Variants in SLCO6A1 observed in about 807,000 individuals in gnomAD.
SLCO6A1 encodes the protein solute carrier organic anion transporter family member 6A1.
SLCO6A1 carries 65 observed loss-of-function variants against 72.7 expected under a neutral mutation model. That is an observed-to-expected ratio of 0.89 (90% CI 0.73 to 1.10). The LOEUF is 1.10. SLCO6A1 is among the 50% of genes least tolerant of loss of function. SLCO6A1 has a pLI of 0.00. For missense variants in SLCO6A1, 874 were observed against 872.6 expected, an observed-to-expected ratio of 1.00 and a Z score of -0.02; for synonymous variants, 314 against 298.2, an observed-to-expected ratio of 1.05 and a Z score of -0.55.
chr5:102,486,725 C>T (rs1752456977), intron 1 of SLCO6A1, among the ~76,000 whole-genome samples: 1 of 152,092 alleles, frequency 6.6e-6, no homozygotes, highest in Non-Finnish European at 1.5e-5. Flanking sequence ...ATTCCAAGCA[C>T]ATTTCTGCTT....
At chr5:102,430,980 T>G (rs1468886876) in intron 7 of SLCO6A1, among the ~76,000 whole-genome samples, 1 of 152,110 alleles carries the variant, frequency 6.6e-6, no homozygotes, top group Non-Finnish European at 1.5e-5. Flanking sequence ...GAGCTCATTA[T>G]TAGTCTGTTC....
At chr5:102,476,833 C>A (rs1472736934) in intron 3 of SLCO6A1, among the ~76,000 whole-genome samples, 1 of 151,938 alleles carries the variant, frequency 6.6e-6, no homozygotes, top group Admixed American at 6.6e-5. Flanking sequence ...TGTCAATACA[C>A]CTTCGCAATA....
intron 7 of SLCO6A1, among the ~76,000 whole-genome samples, chr5:102,427,840 G>GTATATATA (rs1192315166): frequency 1.9e-5 from 2 of 102,750 alleles, no homozygotes; most frequent in African/African-American, 7.0e-5. Flanking sequence ...GTGTGTGTAT[G>GTATATATA]TATACATATA....
intron 4 of SLCO6A1, among the ~76,000 whole-genome samples, chr5:102,461,127 C>G (rs1292414791): frequency 1.3e-5 from 2 of 149,804 alleles, no homozygotes; most frequent in African/African-American, 2.5e-5. Flanking sequence ...AATTGTGTAC[C>G]CGGAAGAGGT....
At chr5:102,423,630 T>A (rs551669810) in intron 7 of SLCO6A1, among the ~76,000 whole-genome samples, 5 of 152,328 alleles carry the variant, frequency 3.3e-5, no homozygotes, top group African/African-American at 1.2e-4. Flanking sequence ...AAGCAAGTTC[T>A]TAGAAACCTA....
intron 1 of SLCO6A1, among the ~76,000 whole-genome samples, chr5:102,492,792 G>A (rs1191823996): frequency 6.6e-6 from 1 of 152,204 alleles, no homozygotes; most frequent in African/African-American, 2.4e-5. Flanking sequence ...CTCATTGCTA[G>A]CACAGCAGTC....
chr5:102,470,093 A>G (rs1353979899), intron 4 of SLCO6A1, among the ~76,000 whole-genome samples: 1 of 152,104 alleles, frequency 6.6e-6, no homozygotes, highest in Non-Finnish European at 1.5e-5. Context: ...ATCGATGTTC[A>G]TCAGGGATAT....
Position 102,498,741 on chromosome 5 carries a change from G to A in SLCO6A1, c.104C>T (p.Ala35Val), listed in dbSNP as rs771807171. 8 of 1,614,100 alleles carry A rather than the reference G, an allele frequency of 5.0e-6. No individual in the cohort carries two copies. The highest frequency in any genetic ancestry group is 6.8e-6 in the Non-Finnish European group (8 of 1,180,026). Reference protein sequence around the residue: ...ARAQPAKDRRAKGTPKSSKPG... With the variant: ...ARAQPAKDRRVKGTPKSSKPG... ...CTTCGAGGACTTCGGGGTTCCCTTGGCCCTCCTGTCCTTAGCAGGCTGGGC... is the reference window on the plus strand; with the variant it reads ...CTTCGAGGACTTCGGGGTTCCCTTGACCCTCCTGTCCTTAGCAGGCTGGGC... Residue 35 changes from alanine (A) to valine (V), a missense_variant, in exon 1 of 14, where the codon GCC becomes GTC. By Grantham distance (64) the Ala-to-Val change is moderately conservative. Coordinates refer to ENST00000506729, the MANE Select transcript of SLCO6A1 (RefSeq NM_173488.5).
intron 4 of SLCO6A1, among the ~76,000 whole-genome samples, chr5:102,464,366 CATA>C (rs1160227409): frequency 1.3e-5 from 2 of 151,752 alleles, no homozygotes; most frequent in South Asian, 2.1e-4. Flanking sequence ...AATTAATATC[CATA>C]ATAAGTGAAG....
chr5:102,383,298 C>T (rs777521086), intron 12 of SLCO6A1, among the ~76,000 whole-genome samples: 4 of 151,278 alleles, frequency 2.6e-5, no homozygotes, highest in Non-Finnish European at 5.9e-5. Flanking sequence ...AAAGAGAAAG[C>T]TTTCAGCTTT....
intron 6 of SLCO6A1, among the ~76,000 whole-genome samples, chr5:102,453,319 C>T (rs1750527272): frequency 1.4e-5 from 2 of 144,050 alleles, no homozygotes; most frequent in Admixed American, 1.4e-4. Flanking sequence ...GCCTGGGTGA[C>T]AGAGTGAGAC....
intron 10 of SLCO6A1, among the ~76,000 whole-genome samples, chr5:102,395,112 T>A (rs868674924): frequency 1.3e-5 from 2 of 152,128 alleles, no homozygotes; most frequent in South Asian, 2.1e-4. Flanking sequence ...CATATATATA[T>A]ATGTGTCATG....
At chr5:102,388,040 G>A (rs1580334544) in intron 12 of SLCO6A1, among the ~76,000 whole-genome samples, 1 of 152,238 alleles carries the variant, frequency 6.6e-6, no homozygotes, top group East Asian at 1.9e-4. Context: ...TTGAACAAAA[G>A]AGAAAATATG....
At chr5:102,451,373 C>T (rs1750408833) in intron 6 of SLCO6A1, among the ~76,000 whole-genome samples, 1 of 152,166 alleles carries the variant, frequency 6.6e-6, no homozygotes, top group Non-Finnish European at 1.5e-5. Context: ...GCCCTCAGTC[C>T]ATCTTGCTTA....
intron 9 of SLCO6A1, among the ~76,000 whole-genome samples, chr5:102,407,198 G>A (rs1008166104): frequency 6.6e-6 from 1 of 152,160 alleles, no homozygotes; most frequent in Non-Finnish European, 1.5e-5. Context: ...CATGGCGACA[G>A]TAGTAGTTAC....
chr5:102,433,889 A>G (rs1749357154), intron 7 of SLCO6A1, among the ~76,000 whole-genome samples: 1 of 152,044 alleles, frequency 6.6e-6, no homozygotes, highest in Non-Finnish European at 1.5e-5. Context: ...GAGTTGTCGT[A>G]GTTCTTGTGT....
chr5:102,406,890 C>T (rs1202145006), intron 9 of SLCO6A1, among the ~76,000 whole-genome samples: 1 of 152,050 alleles, frequency 6.6e-6, no homozygotes, highest in Non-Finnish European at 1.5e-5. Flanking sequence ...CTTAAATAAA[C>T]AGATGAAAGG....
chr5:102,472,529 G>A (rs1031001936), intron 4 of SLCO6A1, among the ~76,000 whole-genome samples: 8 of 151,974 alleles, frequency 5.3e-5, no homozygotes, highest in Non-Finnish European at 1.2e-4. Context: ...AAAAGTTGAG[G>A]AGGAGGTAAT....
chr5:102,428,063 G>A (rs1478304423), intron 7 of SLCO6A1, among the ~76,000 whole-genome samples: 8 of 151,036 alleles, frequency 5.3e-5, no homozygotes, highest in African/African-American at 1.9e-4. Flanking sequence ...GTAGAGACCG[G>A]GTTTCACCTT....
Sources: gnomAD v4.1 joint callset for allele counts (sites outside exome capture counted in the v4.1 genomes callset) on GRCh38, gnomAD v4.1.1 for gene constraint, MANE v1.5 for transcripts, NCBI Gene and HGNC (gene_info 2026-07-23, HGNC 2026-07-21) for gene names.